Variants in NPAS3 observed in about 807,000 individuals in gnomAD.
The protein encoded by NPAS3 is neuronal PAS domain protein 3, also known as neuronal PAS domain-containing protein 3.
A neutral mutation model predicts 73.1 loss-of-function variants in NPAS3; 14 were observed. The ratio of observed to expected loss-of-function variants is 0.19; its 90% CI spans 0.13 to 0.30. NPAS3 has a LOEUF of 0.30. Among genes scored for constraint, NPAS3 ranks in the 10% least tolerant of loss-of-function variants. NPAS3 has a pLI of 1.00. For missense variants in NPAS3, 1,096 were observed against 1,250.0 expected (o/e 0.88, Z 1.86); for synonymous variants, 620 against 541.5 (o/e 1.14, Z -2.01).
In NPAS3 at chr14:33,363,634, A is replaced by G. The variant is rs1295715965; in HGVS notation, c.386-3552A>G. ...AGTTGTGGTGTGTGTTGATAATTAT[A>G]TACTGGACCTACTTTTGTTTTAAAT... is the stretch of plus-strand genomic sequence containing the variant. On this transcript the variant is annotated intron_variant, in intron 3 of 11. Transcript: ENST00000356141. Among the ~76,000 whole-genome samples the G allele has an allele frequency of 3.3e-5, 5 of 152,328 alleles. No individual in the cohort carries two copies. The East Asian group carries it at 7.7e-4, about 24-fold the overall frequency.
chr14:33,517,473 A>T (rs2053355619), intron 4 of NPAS3, among the ~76,000 whole-genome samples: 1 of 152,074 alleles, frequency 6.6e-6, no homozygotes, highest in Non-Finnish European at 1.5e-5. Context: ...GAATTGCCTG[A>T]CAATATAGCA....
At chr14:33,524,398 G>A (rs993777309) in intron 4 of NPAS3, among the ~76,000 whole-genome samples, 7 of 152,054 alleles carry the variant, frequency 4.6e-5, no homozygotes, top group Non-Finnish European at 1.0e-4. Context: ...TCAAAAATTG[G>A]TCAAATGGTG....
chr14:33,584,152 T>C (rs1296015115), intron 5 of NPAS3, among the ~76,000 whole-genome samples: 1 of 152,178 alleles, frequency 6.6e-6, no homozygotes, highest in East Asian at 1.9e-4. Flanking sequence ...AAAATGTGTA[T>C]AGTTATTAGA....
At chr14:33,698,115 C>T (rs2060435425) in intron 6 of NPAS3, among the ~76,000 whole-genome samples, 2 of 152,174 alleles carry the variant, frequency 1.3e-5, no homozygotes, top group Admixed American at 6.5e-5. Context: ...CAGACCTGCC[C>T]TCAAGGAGCA....
rs576037399 is a variant in NPAS3, at chr14:33,800,382, C to G, written c.2075C>G (p.Pro692Arg). 1.9e-6 allele frequency: 3 copies of G among 1,607,366 alleles called. No individual in the cohort carries two copies. Among genetic ancestry groups the G allele is most frequent in the Non-Finnish European group, 2.5e-6 (3 of 1,177,864 alleles). The change falls in exon 12 of 12, where the codon CCG becomes CGG. Residue 692 changes from proline to arginine, a missense_variant. Pro to Arg is a moderately radical substitution (Grantham distance 103, BLOSUM62 -2). This residue lies in a region of NPAS3 where 698 missense variants were observed against 676.7 expected (regional missense o/e 1.03). Transcript: ENST00000356141. This position sits in a 1 kb window ranked among gnomAD's most constrained non-coding sequence, Gnocchi z 6.5. ...AAGCCCCCCAGCTCTGAGCACTTCC[C>G]GTCCCCGCAGGGCGGCGGCGGTGGG...
intron 7 of NPAS3, among the ~76,000 whole-genome samples, chr14:33,745,758 A>G (rs902264762): frequency 3.9e-5 from 6 of 152,192 alleles, no homozygotes; most frequent in Non-Finnish European, 8.8e-5. Flanking sequence ...AAATATAGAA[A>G]ATGCATTTAT....
chr14:33,799,854 A>T lies in NPAS3; in HGVS notation c.1547A>T (p.Asp516Val), dbSNP rs1566556038. 6.2e-6 allele frequency: 10 copies of T among 1,614,030 alleles called. No homozygotes were observed. In the African/African-American group the frequency reaches 1.2e-4, roughly 19 times the overall value. ...GACAACGACATGAACTGCAACGACG[A>T]CGGCCACAGCTCCAGTAACCCGGAC... The change falls in exon 12 of 12, where the codon GAC (aspartate) becomes GTC (valine). Residue 516 changes from aspartate (D) to valine (V), a missense_variant. By Grantham distance (152) the Asp-to-Val change is radical (BLOSUM62 -3). This residue lies in a region of NPAS3 where 698 missense variants were observed against 676.7 expected (regional missense o/e 1.03). Transcript: ENST00000356141.
chr14:33,215,643 AT>A, intron 3 of NPAS3: 1 of 701,800 alleles, frequency 1.4e-6, no homozygotes, highest in Non-Finnish European at 2.6e-6. Context: ...TCAGCCTAAA[AT>A]TCTGTCACTT....
intron 1 of NPAS3, among the ~76,000 whole-genome samples, chr14:32,960,789 T>C (rs1437310520): frequency 6.6e-6 from 1 of 152,188 alleles, no homozygotes; most frequent in South Asian, 2.1e-4. Flanking sequence ...AACCTAGCAG[T>C]GATCATTTAA....
At chr14:33,674,621 A>T (rs1169617284) in intron 5 of NPAS3, among the ~76,000 whole-genome samples, 3 of 152,302 alleles carry the variant, frequency 2.0e-5, no homozygotes, top group South Asian at 4.1e-4. Context: ...GCTCTGTAGC[A>T]ATAACAAATG....
chr14:33,517,322 C>T (rs1231836460), intron 4 of NPAS3, among the ~76,000 whole-genome samples: 1 of 152,086 alleles, frequency 6.6e-6, no homozygotes, highest in Non-Finnish European at 1.5e-5. Context: ...AGTCTACACC[C>T]TATTCACCAA....
chr14:33,150,673 C>G (rs1481279008), intron 2 of NPAS3, among the ~76,000 whole-genome samples: 1 of 149,922 alleles, frequency 6.7e-6, no homozygotes, highest in African/African-American at 2.4e-5. Flanking sequence ...CATATTTCTT[C>G]TGTATTCAGA....
chr14:33,364,040 C>T (rs557556977), intron 3 of NPAS3, among the ~76,000 whole-genome samples: 1 of 151,844 alleles, frequency 6.6e-6, no homozygotes, highest in East Asian at 1.9e-4. Context: ...TGAAATATGT[C>T]AGTAGATCAG....
chr14:33,797,255 G>A (rs2063538817), intron 10 of NPAS3, among the ~76,000 whole-genome samples: 1 of 152,112 alleles, frequency 6.6e-6, no homozygotes, highest in African/African-American at 2.4e-5. Context: ...TTCGATCATT[G>A]CAGCAGGGTG....
intron 2 of NPAS3, among the ~76,000 whole-genome samples, chr14:33,098,570 G>A (rs2042490605): frequency 6.6e-6 from 1 of 152,138 alleles, no homozygotes; most frequent in South Asian, 2.1e-4. Context: ...ATGGATTCTA[G>A]CAAAGTTCTA....
intron 3 of NPAS3, among the ~76,000 whole-genome samples, chr14:33,287,183 C>T (rs1336267939): frequency 6.6e-6 from 1 of 152,142 alleles, no homozygotes; most frequent in Non-Finnish European, 1.5e-5. Context: ...ATAACCATAT[C>T]TCTTGGAAAT....
intron 2 of NPAS3, among the ~76,000 whole-genome samples, chr14:33,169,042 A>G (rs1595595956): frequency 6.6e-6 from 1 of 152,226 alleles, no homozygotes; most frequent in African/African-American, 2.4e-5. Flanking sequence ...TCATAAGAGC[A>G]TGTTGGGAGT....
At chr14:33,252,496 G>A (rs1415102186) in intron 3 of NPAS3, among the ~76,000 whole-genome samples, 1 of 151,874 alleles carries the variant, frequency 6.6e-6, no homozygotes, top group Non-Finnish European at 1.5e-5. Context: ...AATTTAATAT[G>A]CAAAATAACC....
At chr14:33,725,694 C>A (rs1041449296) in intron 6 of NPAS3, among the ~76,000 whole-genome samples, 1 of 152,054 alleles carries the variant, frequency 6.6e-6, no homozygotes, top group African/African-American at 2.4e-5. Flanking sequence ...CTTTGGAATC[C>A]CTCACCCTGT....
Sources: allele counts gnomAD v4.1 joint callset (sites outside exome capture counted in the v4.1 genomes callset), GRCh38; gene constraint gnomAD v4.1.1; regional missense constraint gnomAD v4.1.1; non-coding constraint Gnocchi (gnomAD v3.1); transcripts MANE v1.5; gene names NCBI Gene and HGNC (gene_info 2026-07-23, HGNC 2026-07-21).